The following GUCY2F variants were observed in gnomAD, a reference collection of about 807,000 sequenced individuals.
The protein encoded by GUCY2F is guanylate cyclase 2F, retinal.
A neutral mutation model predicts 73.1 loss-of-function variants in GUCY2F; 61 were observed. The observed-to-expected ratio is 0.83, with a 90% CI of 0.68 to 1.03. The LOEUF (loss-of-function observed/expected upper bound fraction) is 1.03. Ranked by LOEUF, GUCY2F falls within the 50% of genes least tolerant of loss-of-function variation. GUCY2F has a pLI of 0.00. For missense variants in GUCY2F, 912 were observed against 854.3 expected, an observed-to-expected ratio of 1.07 and a Z score of -0.84; for synonymous variants, 331 against 307.8, an observed-to-expected ratio of 1.08 and a Z score of -0.79.
intron 3 of GUCY2F, among the ~76,000 whole-genome samples, chrX:109,463,599 G>A (rs917324412): frequency 2.3e-4 from 25 of 109,943 alleles, no homozygotes; most frequent in Non-Finnish European, 3.4e-4. Flanking sequence ...CACCACGCCC[G>A]GCTAACTTTT....
intron 2 of GUCY2F, among the ~76,000 whole-genome samples, chrX:109,472,322 C>T (rs1037180793): frequency 1.8e-5 from 2 of 110,074 alleles, no homozygotes; most frequent in African/African-American, 3.3e-5. Context: ...TATTTCTAGG[C>T]CCCTCCAAAG....
chrX:109,465,878 C>T (rs767795643), intron 2 of GUCY2F, among the ~76,000 whole-genome samples: 1 of 112,002 alleles, frequency 8.9e-6, no homozygotes, highest in South Asian at 3.7e-4. Context: ...AGAAAGGAGA[C>T]AAGTCATTTA....
intron 6 of GUCY2F, among the ~76,000 whole-genome samples, chrX:109,441,796 A>AGG (rs1263619110): frequency 9.0e-6 from 1 of 110,948 alleles, no homozygotes; most frequent in Non-Finnish European, 1.9e-5. Context: ...TAGACAAAAA[A>AGG]GTAAGACCAA....
intron 17 of GUCY2F, among the ~76,000 whole-genome samples, chrX:109,380,139 A>G (rs768984029): frequency 1.8e-5 from 2 of 112,371 alleles, no homozygotes; most frequent in African/African-American, 6.5e-5. Context: ...GAGGAATTTC[A>G]AACATCAGTC....
rs1228324356 is a variant in GUCY2F, at chrX:109,385,184, G to A, written c.3055C>T (p.Pro1019Ser). The change falls in exon 16 of 20, where the codon CCT becomes TCT. Residue 1019 changes from proline (P) to serine (S), a missense_variant and splice_region_variant. Coordinates refer to ENST00000218006, the MANE Select transcript of GUCY2F (RefSeq NM_001522.3). ...ATCCATCTCTCTATTAGGTACTCACGTAAGCCTGTAGATTCCATCCGAGAA... is the reference window on the plus strand; with the variant it reads ...ATCCATCTCTCTATTAGGTACTCACATAAGCCTGTAGATTCCATCCGAGAA... ...TASRMESTGL[P>S]YRIHVSLSTV... 3 of 1,099,611 alleles carry A rather than the reference G, an allele frequency of 2.7e-6. No homozygotes were observed. The highest frequency in any genetic ancestry group is 3.7e-5 in the South Asian group (2 of 53,362). The allele number at this position is 1,099,611 out of a possible 1,213,427, so 90.6% of individuals were successfully genotyped here.
intron 8 of GUCY2F, among the ~76,000 whole-genome samples, chrX:109,422,337 G>A (rs758176479): frequency 2.8e-4 from 31 of 111,572 alleles, no homozygotes; most frequent in Non-Finnish European, 4.9e-4. Flanking sequence ...TAGGATATAC[G>A]AAGTAGTGAA....
intron 2 of GUCY2F, among the ~76,000 whole-genome samples, chrX:109,469,594 T>A (rs1229130460): frequency 9.1e-6 from 1 of 110,471 alleles, no homozygotes; most frequent in Non-Finnish European, 1.9e-5. Flanking sequence ...CTTTGTGATA[T>A]TTCCTGCCAC....
chrX:109,477,304 T>G (rs1435468878), intron 1 of GUCY2F, among the ~76,000 whole-genome samples: 1 of 111,666 alleles, frequency 9.0e-6, no homozygotes, highest in African/African-American at 3.3e-5. Context: ...TTTTCAGACC[T>G]AGGAAACTGA....
At chrX:109,434,630 A>C (rs1931693414) in intron 7 of GUCY2F, among the ~76,000 whole-genome samples, 2 of 109,683 alleles carry the variant, frequency 1.8e-5, no homozygotes, top group African/African-American at 6.7e-5. Flanking sequence ...CTTTAGTTTA[A>C]TTAGATCCCA....
Position 109,385,289 on chromosome X carries a change from A to C in GUCY2F, c.2957-7T>G, listed in dbSNP as rs371132776. On this transcript the variant is annotated splice_polypyrimidine_tract_variant and splice_region_variant and intron_variant, in intron 15 of 19. Coordinates refer to ENST00000218006, the MANE Select transcript of GUCY2F (RefSeq NM_001522.3). The stretch of plus-strand genomic sequence containing the variant: ...ACTCCAGCAACAACCGGCCCTATAG[A>C]GTATCAGGGGGTTGGAATTACAGTC... 7.9e-5 allele frequency: 83 copies of C among 1,053,491 alleles called. No homozygotes were observed. Among genetic ancestry groups the C allele is most frequent in the Non-Finnish European group, 1.0e-4 (78 of 759,477 alleles). 86.8% of individuals were successfully genotyped at this position (1,053,491 alleles called of 1,213,427 possible).
At position 109,413,527 on chromosome X, in the gene GUCY2F, C is replaced by T. The variant is rs1361277755; in HGVS notation, c.1792-4359G>A. On this transcript the variant is annotated intron_variant, in intron 8 of 19. Coordinates refer to ENST00000218006, the MANE Select transcript of GUCY2F (RefSeq NM_001522.3). Reference sequence around the variant, plus strand: ...TCAAGCGATTCTCCTGCCTCAGCCTCCTGAGTAGCTGGGATTACAGGTGCA... The same window carrying T: ...TCAAGCGATTCTCCTGCCTCAGCCTTCTGAGTAGCTGGGATTACAGGTGCA... 2.7e-5 allele frequency among the ~76,000 whole-genome samples: 3 copies of T among 110,579 alleles called. No homozygotes were observed. In the East Asian group the frequency reaches 8.5e-4, roughly 31 times the overall value.
At chrX:109,388,200 A>C (rs900966689) in intron 15 of GUCY2F, among the ~76,000 whole-genome samples, 3 of 111,815 alleles carry the variant, frequency 2.7e-5, no homozygotes, top group Non-Finnish European at 5.6e-5. Flanking sequence ...TATCCTAACT[A>C]CAACATATAC....
intron 7 of GUCY2F, among the ~76,000 whole-genome samples, chrX:109,433,334 A>T (rs1931657200): frequency 9.0e-6 from 1 of 111,666 alleles, no homozygotes; most frequent in Non-Finnish European, 1.9e-5. Flanking sequence ...CCATAACACA[A>T]TCCCTTCATA....
intron 8 of GUCY2F, among the ~76,000 whole-genome samples, chrX:109,410,649 A>C (rs770319864): frequency 1.8e-5 from 2 of 112,705 alleles, no homozygotes; most frequent in Non-Finnish European, 3.8e-5. Flanking sequence ...GGTGATAAGC[A>C]AGTAATCCAA....
intron 7 of GUCY2F, among the ~76,000 whole-genome samples, chrX:109,431,190 C>T (rs1011074135): frequency 9.0e-6 from 1 of 111,451 alleles, no homozygotes; most frequent in African/African-American, 3.3e-5. Flanking sequence ...ATTTAGTTTC[C>T]GTCCAACCCA....
At chrX:109,452,329 T>A (rs757817657) in intron 4 of GUCY2F, among the ~76,000 whole-genome samples, 2 of 111,403 alleles carry the variant, frequency 1.8e-5, no homozygotes, top group Non-Finnish European at 3.8e-5. Context: ...ACTCTGACAA[T>A]AACAAATCAC....
At chrX:109,420,849 T>G (rs1470391760) in intron 8 of GUCY2F, among the ~76,000 whole-genome samples, 1 of 111,774 alleles carries the variant, frequency 8.9e-6, no homozygotes, top group African/African-American at 3.2e-5. Flanking sequence ...CCGATGGAAA[T>G]GTAAAATGTC....
intron 7 of GUCY2F, among the ~76,000 whole-genome samples, chrX:109,435,171 T>C (rs998325731): frequency 4.5e-5 from 5 of 111,766 alleles, no homozygotes; most frequent in African/African-American, 1.3e-4. Flanking sequence ...AAGAAAGTCA[T>C]CGGTAGCCTG....
At chrX:109,469,354 C>A (rs1569376419) in intron 2 of GUCY2F, among the ~76,000 whole-genome samples, 1 of 111,015 alleles carries the variant, frequency 9.0e-6, no homozygotes, top group Non-Finnish European at 1.9e-5. Context: ...GAGAGAGTAA[C>A]TGTGTTTCTG....
Sources: gnomAD v4.1 joint callset for allele counts (sites outside exome capture counted in the v4.1 genomes callset) on GRCh38, gnomAD v4.1.1 for gene constraint, MANE v1.5 for transcripts, NCBI Gene and HGNC (gene_info 2026-07-23, HGNC 2026-07-21) for gene names.